The following FAAH2 variants were observed in gnomAD, a reference collection of about 807,000 sequenced individuals.
FAAH2 encodes fatty acid amide hydrolase 2, also known as fatty-acid amide hydrolase 2.
In FAAH2, 60 loss-of-function variants were observed where a neutral mutation model predicts 36.9. The ratio of observed to expected loss-of-function variants is 1.63; its 90% CI spans 1.32 to 2.02. The LOEUF (loss-of-function observed/expected upper bound fraction) is 2.02, where lower values mean the gene tolerates loss of function less well. Ranked by LOEUF, FAAH2 falls within the 30% of genes most tolerant of loss-of-function variation. FAAH2 has a pLI of 0.00. For missense variants in FAAH2, 689 were observed against 397.5 expected, an observed-to-expected ratio of 1.73 and a Z score of -6.23; for synonymous variants, 214 against 143.8, an observed-to-expected ratio of 1.49 and a Z score of -3.49.
the FAAH2 span, among the ~76,000 whole-genome samples, chrX:57,234,128 T>C: frequency 8.8e-6 from 1 of 113,000 alleles, no homozygotes; most frequent in African/African-American, 3.2e-5. Flanking sequence ...ACTGGGCATC[T>C]TTTTTAAGTT....
chrX:57,314,395 A>G (rs1374405212), intron 3 of FAAH2, among the ~76,000 whole-genome samples: 1 of 111,426 alleles, frequency 9.0e-6, no homozygotes, highest in Non-Finnish European at 1.9e-5. Context: ...TGCGCTTAAT[A>G]GACATCTACA....
At chrX:57,197,164 G>T in the FAAH2 span, among the ~76,000 whole-genome samples, 4 of 111,365 alleles carry the variant, frequency 3.6e-5, no homozygotes, top group Admixed American at 3.8e-4. Context: ...CTAGTCTGTT[G>T]TTGAAATTTT....
In FAAH2 at chrX:57,452,027, C is replaced by T. The variant is rs1436041742; in HGVS notation, c.1423+3309C>T. 3 of 222,988 alleles carry T rather than the reference C, an allele frequency of 1.3e-5. No individual in the cohort carries two copies. In the Admixed American group the frequency reaches 2.8e-4, roughly 21 times the overall value. 18.4% of individuals were successfully genotyped at this position (222,988 alleles called of 1,213,427 possible). The stretch of plus-strand genomic sequence containing the variant: ...TCCTACCACGATTATCAACATAACA[C>T]CTATATGTCATAATAATTGGGAGAG... On this transcript the variant is annotated intron_variant, in intron 10 of 10. Transcript: ENST00000374900.
chrX:57,159,602 A>G, the FAAH2 span, among the ~76,000 whole-genome samples: 1 of 111,233 alleles, frequency 9.0e-6, no homozygotes, highest in African/African-American at 3.3e-5. Context: ...CTTTGAAGCA[A>G]TTGTGAATGG....
At chrX:57,458,859 G>A (rs1181513458) in intron 10 of FAAH2, among the ~76,000 whole-genome samples, 1 of 112,244 alleles carries the variant, frequency 8.9e-6, no homozygotes, top group Non-Finnish European at 1.9e-5. Context: ...ACACCACCAG[G>A]GACCTGGGTT....
chrX:57,206,197 G>C, the FAAH2 span, among the ~76,000 whole-genome samples: 1 of 111,960 alleles, frequency 8.9e-6, no homozygotes, highest in East Asian at 2.8e-4. Context: ...TCTCCTCTAA[G>C]GATAGAAAAT....
At chrX:57,433,013 T>A (rs2056337001) in intron 8 of FAAH2, among the ~76,000 whole-genome samples, 1 of 110,068 alleles carries the variant, frequency 9.1e-6, no homozygotes, top group Non-Finnish European at 1.9e-5. Context: ...AAATACCCAG[T>A]TTTCTTTGCA....
intron 7 of FAAH2, chrX:57,394,673 C>T: frequency 8.5e-6 from 8 of 939,696 alleles, no homozygotes; most frequent in Non-Finnish European, 4.6e-6. Context: ...CAACTTTTCT[C>T]CCATTTGTTT....
the FAAH2 span, among the ~76,000 whole-genome samples, chrX:57,235,454 A>G: frequency 1.8e-5 from 2 of 111,629 alleles, no homozygotes; most frequent in Non-Finnish European, 3.8e-5. Flanking sequence ...CTTTAATACT[A>G]TCATCAAAAC....
the FAAH2 span, among the ~76,000 whole-genome samples, chrX:57,227,708 T>C: frequency 9.0e-6 from 1 of 111,050 alleles, no homozygotes; most frequent in African/African-American, 3.3e-5. Flanking sequence ...GCCCTACAAC[T>C]CCCAAGGTTA....
intron 5 of FAAH2, among the ~76,000 whole-genome samples, chrX:57,352,153 TATATATACAC>T (rs2054040097): frequency 3.5e-5 from 3 of 84,864 alleles, no homozygotes; most frequent in East Asian, 3.7e-4. Context: ...TATATGCACA[TATATATACAC>T]ATATATATAT....
At chrX:57,171,309 C>A in the FAAH2 span, among the ~76,000 whole-genome samples, 3 of 111,844 alleles carry the variant, frequency 2.7e-5, no homozygotes, top group East Asian at 8.4e-4. Flanking sequence ...GTTAGATCGA[C>A]TTTTCATTCT....
chrX:57,409,266 T>C (rs920420841), intron 7 of FAAH2, among the ~76,000 whole-genome samples: 2 of 111,790 alleles, frequency 1.8e-5, no homozygotes, highest in African/African-American at 6.5e-5. Flanking sequence ...CAATTAATTG[T>C]TTTGTATTAT....
chrX:57,132,354 T>C, the FAAH2 span, among the ~76,000 whole-genome samples: 1 of 112,136 alleles, frequency 8.9e-6, no homozygotes, highest in African/African-American at 3.2e-5. Flanking sequence ...TGGGTCAGTT[T>C]CTCATTTTCT....
chrX:57,257,227 A>G, the FAAH2 span, among the ~76,000 whole-genome samples: 1 of 112,309 alleles, frequency 8.9e-6, no homozygotes, highest in Non-Finnish European at 1.9e-5. Flanking sequence ...ATTTTATGAT[A>G]AAGACACATG....
the FAAH2 span, among the ~76,000 whole-genome samples, chrX:57,182,542 T>C: frequency 9.0e-6 from 1 of 111,111 alleles, no homozygotes; most frequent in Non-Finnish European, 1.9e-5. Context: ...ATGGCTATTA[T>C]TAAAAAGATG....
chrX:57,329,804 T>C (rs1459267674), intron 3 of FAAH2, among the ~76,000 whole-genome samples: 3 of 111,647 alleles, frequency 2.7e-5, no homozygotes, highest in South Asian at 3.8e-4. Context: ...ACTTGGATTG[T>C]GAAGATTTCG....
chrX:57,265,596 G>T, the FAAH2 span, among the ~76,000 whole-genome samples: 1 of 111,133 alleles, frequency 9.0e-6, no homozygotes, highest in Non-Finnish European at 1.9e-5. Context: ...CTTTAATTGG[G>T]TCTCAAATCC....
At chrX:57,432,873 T>A (rs2056332638) in intron 8 of FAAH2, among the ~76,000 whole-genome samples, 1 of 111,051 alleles carries the variant, frequency 9.0e-6, no homozygotes, top group Admixed American at 9.7e-5. Context: ...ATACCCATTT[T>A]ACAGCTTTAT....
Sources: gnomAD v4.1 joint callset for allele counts (sites outside exome capture counted in the v4.1 genomes callset) on GRCh38, gnomAD v4.1.1 for gene constraint, MANE v1.5 for transcripts, NCBI Gene and HGNC (gene_info 2026-07-23, HGNC 2026-07-21) for gene names.